CACNA2D4: variants seen among roughly 807,000 people sequenced by gnomAD.
The protein encoded by CACNA2D4 is calcium voltage-gated channel auxiliary subunit alpha2delta 4.
CACNA2D4 carries 157 observed loss-of-function variants against 163.8 expected under a neutral mutation model. The ratio of observed to expected loss-of-function variants is 0.96; its 90% CI spans 0.84 to 1.09. CACNA2D4 has a LOEUF of 1.09. Among genes scored for constraint, CACNA2D4 ranks in the 50% least tolerant of loss-of-function variants. The pLI, the probability that CACNA2D4 is intolerant of heterozygous loss-of-function variation, is 0.00. For synonymous variants in CACNA2D4, 598 were observed against 586.9 expected (o/e 1.02, Z -0.27); for missense variants, 1,410 against 1,479.9 (o/e 0.95, Z 0.78).
At chr12:1,894,449 A>C (rs902204983) in intron 6 of CACNA2D4, among the ~76,000 whole-genome samples, 3 of 152,338 alleles carry the variant, frequency 2.0e-5, no homozygotes, top group African/African-American at 7.2e-5. Context: ...AGAAAACTAC[A>C]GGCCAGTATC....
chr12:1,904,735 TA>T (rs543705362), intron 6 of CACNA2D4, among the ~76,000 whole-genome samples: 44 of 152,052 alleles, frequency 2.9e-4, no homozygotes, highest in Non-Finnish European at 4.0e-4. Flanking sequence ...AGAAATAAAA[TA>T]ACTATAGAAT....
In CACNA2D4 at chr12:1,806,093, T is replaced by C. The variant is rs1863528132; in HGVS notation, c.2721+4185A>G. Among the ~76,000 whole-genome samples, 1 of 152,228 alleles carries C rather than the reference T, an allele frequency of 6.6e-6. No individual in the cohort carries two copies. Among genetic ancestry groups the C allele is most frequent in the African/African-American group, 2.4e-5 (1 of 41,456 alleles). On this transcript the variant is annotated intron_variant, in intron 29 of 37. Coordinates refer to ENST00000382722, the MANE Select transcript of CACNA2D4 (RefSeq NM_172364.5). This position sits in a 1 kb window ranked among gnomAD's most constrained non-coding sequence, Gnocchi z 4.1. ...GGTCCCTCAGGGAAAGGTGCTGGGA[T>C]GGGGCCTCGGATTTTCTAGGCTGCA...
chr12:1,910,721 A>G (rs890409915), intron 3 of CACNA2D4, among the ~76,000 whole-genome samples: 11 of 152,224 alleles, frequency 7.2e-5, no homozygotes, highest in African/African-American at 2.2e-4. Context: ...AACCCTGTAG[A>G]TATTATGCTA....
chr12:1,850,946 G>A (rs1463011518), intron 23 of CACNA2D4, among the ~76,000 whole-genome samples: 1 of 151,856 alleles, frequency 6.6e-6, no homozygotes, highest in Non-Finnish European at 1.5e-5. Context: ...GTGGTGACAT[G>A]ACCATGCCTC....
intron 19 of CACNA2D4, among the ~76,000 whole-genome samples, chr12:1,859,800 G>T (rs1364376989): frequency 1.3e-5 from 2 of 152,258 alleles, no homozygotes; most frequent in Non-Finnish European, 2.9e-5. Flanking sequence ...CGCCCTCGGG[G>T]AAATGACCTG....
chr12:1,912,543 G>A (rs958792510), intron 3 of CACNA2D4, among the ~76,000 whole-genome samples: 1 of 151,312 alleles, frequency 6.6e-6, no homozygotes, highest in Admixed American at 6.6e-5. Flanking sequence ...ATGGCTGAAT[G>A]AGGGTGAGGG....
intron 24 of CACNA2D4, among the ~76,000 whole-genome samples, chr12:1,845,251 G>A (rs1030007871): frequency 6.6e-6 from 1 of 151,922 alleles, no homozygotes; most frequent in African/African-American, 2.4e-5. Flanking sequence ...GGGAGTGCTC[G>A]CAGGAGGCAG....
chr12:1,897,017 GA>G (rs1465394496), intron 6 of CACNA2D4, among the ~76,000 whole-genome samples: 1 of 152,144 alleles, frequency 6.6e-6, no homozygotes, highest in Non-Finnish European at 1.5e-5. Context: ...GGTGTTAAGT[GA>G]AACAAGCCAG....
chr12:1,808,452 G>A (rs540101605), intron 29 of CACNA2D4, among the ~76,000 whole-genome samples: 179 of 152,326 alleles, frequency 1.2e-3, no homozygotes, highest in African/African-American at 4.2e-3. Context: ...CTGGAGCAAC[G>A]CCACCTGCAT....
chr12:1,906,636 C>T (rs2429158), intron 6 of CACNA2D4, among the ~76,000 whole-genome samples: 139,327 of 152,068 alleles, frequency 0.92, 64,006 homozygotes, highest in East Asian at 1. Context: ...AAGAGGGGCA[C>T]GTGAACTGCT....
At chr12:1,827,407 C>T (rs1287355922) in intron 26 of CACNA2D4, 1 of 152,562 alleles carries the variant, frequency 6.6e-6, no homozygotes, top group Non-Finnish European at 1.5e-5. Flanking sequence ...CTCTTCCTAG[C>T]AGCTGCCGCA....
chr12:1,805,022 C>A (rs1462159391), intron 29 of CACNA2D4, among the ~76,000 whole-genome samples: 1 of 152,218 alleles, frequency 6.6e-6, no homozygotes, highest in Non-Finnish European at 1.5e-5. Context: ...GATGCCTTGT[C>A]GATTTAGGAG....
chr12:1,831,382 G>A (rs761693110), intron 26 of CACNA2D4: 46 of 1,613,874 alleles, frequency 2.9e-5, no homozygotes, highest in Middle Eastern at 1.6e-4. Flanking sequence ...CTCTCGCTTC[G>A]CTCCAACCGT....
At chr12:1,915,342 G>A (rs1866945332) in intron 1 of CACNA2D4, 2 of 677,504 alleles carry the variant, frequency 3.0e-6, no homozygotes, top group Non-Finnish European at 5.4e-6. Flanking sequence ...GACGAGCCCA[G>A]GACTGAGCTT....
At chr12:1,908,723 G>T (rs1866735502) in intron 4 of CACNA2D4, among the ~76,000 whole-genome samples, 1 of 137,266 alleles carries the variant, frequency 7.3e-6, no homozygotes, top group African/African-American at 2.9e-5. Flanking sequence ...TCCCACGCCG[G>T]ACTGCGTCAC....
chr12:1,872,727 C>T (rs1285428116), intron 18 of CACNA2D4, among the ~76,000 whole-genome samples: 1 of 152,092 alleles, frequency 6.6e-6, no homozygotes, highest in Non-Finnish European at 1.5e-5. Flanking sequence ...CCTCGGCGGC[C>T]CCACACCAGC....
intron 2 of CACNA2D4, among the ~76,000 whole-genome samples, chr12:1,914,207 T>A (rs1004956383): frequency 1.3e-5 from 2 of 152,156 alleles, no homozygotes; most frequent in Admixed American, 6.5e-5. Context: ...GTGGTGGGAA[T>A]GAAATCATGA....
chr12:1,835,304 G>A (rs776085714), intron 26 of CACNA2D4: 2 of 153,402 alleles, frequency 1.3e-5, no homozygotes, highest in Non-Finnish European at 2.9e-5. Flanking sequence ...ACCCCTGGCC[G>A]ACGCCATCAT....
chr12:1,846,098 G>C (rs1865136869), intron 24 of CACNA2D4, among the ~76,000 whole-genome samples: 1 of 152,058 alleles, frequency 6.6e-6, no homozygotes, highest in Admixed American at 6.5e-5. Context: ...AGGCACTGCG[G>C]GGTGAGCACT....
Sources: gnomAD v4.1 joint callset for allele counts (sites outside exome capture counted in the v4.1 genomes callset) on GRCh38, gnomAD v4.1.1 for gene constraint, Gnocchi (gnomAD v3.1) non-coding constraint, MANE v1.5 for transcripts, NCBI Gene and HGNC (gene_info 2026-07-23, HGNC 2026-07-21) for gene names.